The following ZNF736 variants were observed in gnomAD, a reference collection of about 807,000 sequenced individuals.
ZNF736 encodes zinc finger protein 736, also known as KRAB-containing zinc-finger repressor protein.
In ZNF736, 6 loss-of-function variants were observed where a neutral mutation model predicts 11.7. The ratio of observed to expected loss-of-function variants is 0.51; its 90% confidence interval spans 0.28 to 1.01. ZNF736 has a LOEUF of 1.01. ZNF736 is among the 50% of genes least tolerant of loss of function. The probability of loss-of-function intolerance (pLI) is 0.09; values close to 1 mark genes in which losing one functional copy is unlikely to be tolerated. For missense variants in ZNF736, 444 were observed against 496.0 expected (o/e 0.90, Z 1.00); for synonymous variants, 139 against 164.7 (o/e 0.84, Z 1.19).
chr7:64,345,831 G>C (rs1016242295), intron 3 of ZNF736, among the ~76,000 whole-genome samples: 2 of 150,936 alleles, frequency 1.3e-5, no homozygotes, highest in African/African-American at 4.9e-5. Context: ...ATTCCATTTG[G>C]ACCATAAATA....
chr7:64,348,687 A>G lies in ZNF736; in HGVS notation c.824A>G (p.His275Arg). The G allele has an allele frequency of 5.6e-6, 9 of 1,608,652 alleles. No individual in the cohort carries two copies. The highest frequency in any genetic ancestry group is 1.3e-5 in the African/African-American group (1 of 74,874). The change falls in exon 4 of 4, where the codon CAT becomes CGT. Residue 275 changes from histidine (H) to arginine (R), a missense_variant. His to Arg is a conservative substitution (Grantham distance 29). Transcript: ENST00000423484. ...AAGTGCTTCTCAGACCTTACTAATC[A>G]TAAGAGAATTCATACTGGAGAGAAA... ...AFKCFSDLTNHKRIHTGEKPY... is the reference protein window; with the variant it reads ...AFKCFSDLTNRKRIHTGEKPY...
Position 64,355,899 on chromosome 7 carries a change from T to C in ZNF736, c.*6752T>C, listed in dbSNP as rs1480890055. On this transcript the variant is annotated 3_prime_UTR_variant, in exon 4 of 4. Transcript: ENST00000423484. Reference sequence around the variant, plus strand: ...ATGAAAATTAGGTGTGTGTCAAGATTGTCTTCTTAGGACCTGGCAGGATCA... The same window carrying C: ...ATGAAAATTAGGTGTGTGTCAAGATCGTCTTCTTAGGACCTGGCAGGATCA... The C allele has an allele frequency of 1.6e-5, 3 of 188,996 alleles. 1 individual carries two copies. The highest frequency in any genetic ancestry group is 3.5e-5 in the Non-Finnish European group (3 of 86,018). 11.7% of individuals were successfully genotyped at this position (188,996 alleles called of 1,614,324 possible). A position where few individuals can be genotyped will look rare whatever the true frequency, so the allele number is the denominator to read the frequency against.
chr7:64,325,167 TAAA>T (rs35847954), intron 1 of ZNF736, among the ~76,000 whole-genome samples: 2 of 148,700 alleles, frequency 1.3e-5, no homozygotes, highest in Non-Finnish European at 1.5e-5. Context: ...AAACCAGTTG[TAAA>T]AAAAAAAAAA....
At chr7:64,339,785 T>C (rs1789310964) in intron 3 of ZNF736, among the ~76,000 whole-genome samples, 2 of 136,496 alleles carry the variant, frequency 1.5e-5, no homozygotes, top group Non-Finnish European at 3.3e-5. Context: ...TGTAATTCCA[T>C]ATAAATTTTA....
At chr7:64,332,954 T>C (rs1441654418) in intron 1 of ZNF736, among the ~76,000 whole-genome samples, 1 of 152,186 alleles carries the variant, frequency 6.6e-6, no homozygotes, top group Non-Finnish European at 1.5e-5. Flanking sequence ...GGTGCAATGA[T>C]TTCATATTGT....
chr7:64,334,354 G>C (rs139549364), intron 1 of ZNF736, among the ~76,000 whole-genome samples: 15 of 152,238 alleles, frequency 9.9e-5, no homozygotes, highest in African/African-American at 3.4e-4. Flanking sequence ...TCAGTGAACA[G>C]GCAGCCTACA....
At chr7:64,322,702 GATA>G (rs1427597655) in intron 1 of ZNF736, among the ~76,000 whole-genome samples, 7 of 152,140 alleles carry the variant, frequency 4.6e-5, no homozygotes, top group Admixed American at 2.0e-4. Context: ...TTGTGAAACA[GATA>G]ATAATAACAG....
At chr7:64,342,249 C>T (rs1431992648) in intron 3 of ZNF736, among the ~76,000 whole-genome samples, 1 of 152,020 alleles carries the variant, frequency 6.6e-6, no homozygotes, top group Non-Finnish European at 1.5e-5. Flanking sequence ...TTGAGAGAGG[C>T]CCGGAACAGA....
chr7:64,329,756 ACTACCT>A, intron 1 of ZNF736, among the ~76,000 whole-genome samples: 1 of 138,874 alleles, frequency 7.2e-6, no homozygotes, highest in East Asian at 2.0e-4. Flanking sequence ...CACAGTGACC[ACTACCT>A]AGCTACTACT....
chr7:64,324,045 G>T (rs745993181), intron 1 of ZNF736, among the ~76,000 whole-genome samples: 1 of 152,042 alleles, frequency 6.6e-6, no homozygotes, highest in Non-Finnish European at 1.5e-5. Context: ...ATAAAATATG[G>T]ATTCATGGCA....
chr7:64,355,926 C>T lies in ZNF736; in HGVS notation c.*6779C>T, dbSNP rs957835148. 7 of 194,710 alleles carry T rather than the reference C, an allele frequency of 3.6e-5. No individual in the cohort carries two copies. The highest frequency in any genetic ancestry group is 1.6e-4 in the African/African-American group (7 of 42,632). The allele number at this position is 194,710 out of a possible 1,614,324, so 12.1% of individuals were successfully genotyped here. A position where few individuals can be genotyped will look rare whatever the true frequency, so the allele number is the denominator to read the frequency against. On this transcript the variant is annotated 3_prime_UTR_variant, in exon 4 of 4. Coordinates refer to ENST00000423484, the MANE Select transcript of ZNF736 (RefSeq NM_001170905.3). ...TCTTCTTAGGACCTGGCAGGATCAG[C>T]CTTCAGTTCTGGGTTGATTTGGGGG...
chr7:64,330,710 A>T (rs1416858482), intron 1 of ZNF736, among the ~76,000 whole-genome samples: 19 of 152,166 alleles, frequency 1.2e-4, no homozygotes, highest in Admixed American at 1.2e-3. Context: ...GTTACTGCTT[A>T]CTGGTTACTG....
chr7:64,317,863 C>T (rs1414688095), intron 1 of ZNF736, among the ~76,000 whole-genome samples: 1 of 151,786 alleles, frequency 6.6e-6, no homozygotes, highest in East Asian at 1.9e-4. Context: ...TAAATAACCT[C>T]TAAACTCAGC....
Position 64,345,141 on chromosome 7 carries a change from C to T in ZNF736, c.227-2949C>T, listed in dbSNP as rs575467268. Among the ~76,000 whole-genome samples the T allele has an allele frequency of 2.6e-5, 4 of 151,668 alleles. No individual in the cohort carries two copies. In the South Asian group the frequency reaches 6.2e-4, roughly 24 times the overall value. ...CTGGTTCACACCATTCTTCTGCCGA[C>T]GCCTCCAGAGTAGCTGGGGCTATAG... On this transcript the variant is annotated intron_variant, in intron 3 of 3. Coordinates refer to ENST00000423484, the MANE Select transcript of ZNF736 (RefSeq NM_001170905.3).
In ZNF736 at chr7:64,352,461, G is replaced by T. The variant is rs954222397; in HGVS notation, c.*3314G>T. On this transcript the variant is annotated 3_prime_UTR_variant, in exon 4 of 4. Transcript: ENST00000423484. ...TGCAGGACAGCTCTGCTATTCAGAG[G>T]TACCACTTCCACCCCCAGTTTATTT... 3 of 152,188 alleles carry T rather than the reference G, an allele frequency of 2.0e-5. No individual in the cohort carries two copies. Among genetic ancestry groups the T allele is most frequent in the African/African-American group, 7.2e-5 (3 of 41,428 alleles). The allele number at this position is 152,188 out of a possible 1,614,324, so 9.4% of individuals were successfully genotyped here. A position where few individuals can be genotyped will look rare whatever the true frequency, so the allele number is the denominator to read the frequency against.
chr7:64,347,217 CTTTTTTTTT>C (rs35033527), intron 3 of ZNF736, among the ~76,000 whole-genome samples: 6 of 55,876 alleles, frequency 1.1e-4, no homozygotes, highest in African/African-American at 3.8e-4. Context: ...AAATGTTCGC[CTTTTTTTTT>C]TTTTTTTTTT....
Position 64,314,112 on chromosome 7 carries a change from A to G in ZNF736, c.-39A>G, listed in dbSNP as rs748552388. ...TCCTGTGACCTGCAGGTACTGGGAG[A>G]TCCATAGGGAGGACGGCGGAACATC... On this transcript the variant is annotated 5_prime_UTR_variant, in exon 1 of 4. Coordinates refer to ENST00000423484, the MANE Select transcript of ZNF736 (RefSeq NM_001170905.3). 18 of 1,551,462 alleles carry G rather than the reference A, an allele frequency of 1.2e-5. No individual in the cohort carries two copies. In the South Asian group the frequency reaches 1.3e-4, roughly 11 times the overall value.
intron 1 of ZNF736, among the ~76,000 whole-genome samples, chr7:64,326,952 T>C (rs1490962233): frequency 6.6e-6 from 1 of 152,176 alleles, no homozygotes; most frequent in Non-Finnish European, 1.5e-5. Flanking sequence ...TAAGAGTTAT[T>C]TTGTGACCTA....
intron 3 of ZNF736, chr7:64,337,247 A>G: frequency 2.3e-6 from 1 of 431,172 alleles, no homozygotes; most frequent in South Asian, 3.6e-5. Context: ...GTTTACAGCA[A>G]TAATGAAAGT....
Sources: gnomAD v4.1 joint callset for allele counts (sites outside exome capture counted in the v4.1 genomes callset) on GRCh38, gnomAD v4.1.1 for gene constraint, MANE v1.5 for transcripts, NCBI Gene and HGNC (gene_info 2026-07-23, HGNC 2026-07-21) for gene names.